Variants in SMYD3 observed in about 807,000 individuals in gnomAD.
The protein encoded by SMYD3 is SET and MYND domain containing 3.
A neutral mutation model predicts 57.7 loss-of-function variants in SMYD3; 36 were observed. That is an observed-to-expected ratio of 0.62 (90% confidence interval 0.48 to 0.82). The LOEUF (loss-of-function observed/expected upper bound fraction) is 0.82, where lower values mean the gene tolerates loss of function less well. SMYD3 is among the 40% of genes least tolerant of loss of function. The pLI is 0.00. For missense variants in SMYD3, 515 were observed against 538.8 expected (o/e 0.96, Z 0.44); for synonymous variants, 211 against 195.0 (o/e 1.08, Z -0.68).
chr1:246,320,674 A>G (rs1558399251), intron 5 of SMYD3, among the ~76,000 whole-genome samples: 4 of 152,198 alleles, frequency 2.6e-5, no homozygotes, highest in Non-Finnish European at 5.9e-5. Flanking sequence ...TTAGAAAAGA[A>G]AGTTATAAGC....
chr1:246,190,342 T>C (rs2062712947), intron 5 of SMYD3, among the ~76,000 whole-genome samples: 1 of 152,082 alleles, frequency 6.6e-6, no homozygotes, highest in Non-Finnish European at 1.5e-5. Context: ...ATCCCAACAC[T>C]CTGGGAGGCC....
chr1:246,390,996 T>C (rs2066553702), intron 1 of SMYD3, among the ~76,000 whole-genome samples: 2 of 151,998 alleles, frequency 1.3e-5, no homozygotes, highest in South Asian at 4.1e-4. Context: ...AAAATCAAAA[T>C]GGCAGACATA....
intron 5 of SMYD3, among the ~76,000 whole-genome samples, chr1:245,949,830 C>CA (rs1359130771): frequency 7.4e-6 from 1 of 134,270 alleles, no homozygotes; most frequent in African/African-American, 2.7e-5. Flanking sequence ...AACCCACCCC[C>CA]CCCACCCCCA....
chr1:246,248,636 CTTTTTT>C (rs1178698803), intron 5 of SMYD3, among the ~76,000 whole-genome samples: 1 of 52,104 alleles, frequency 1.9e-5, no homozygotes, highest in Non-Finnish European at 3.2e-5. Flanking sequence ...TCTGACTTTC[CTTTTTT>C]TTTTTTTTTT....
chr1:246,151,236 ACT>A (rs1361908535), intron 5 of SMYD3, among the ~76,000 whole-genome samples: 1 of 142,990 alleles, frequency 7.0e-6, no homozygotes, highest in African/African-American at 2.7e-5. Flanking sequence ...ACAGAGTAAG[ACT>A]CTGTCTCAAA....
intron 5 of SMYD3, among the ~76,000 whole-genome samples, chr1:246,283,085 C>T (rs1016045702): frequency 6.6e-6 from 1 of 152,174 alleles, no homozygotes; most frequent in African/African-American, 2.4e-5. Context: ...TTCTGCTCAA[C>T]AATGGCACCT....
chr1:246,322,021 T>C (rs2065256911), intron 5 of SMYD3, among the ~76,000 whole-genome samples: 1 of 152,120 alleles, frequency 6.6e-6, no homozygotes, highest in South Asian at 2.1e-4. Flanking sequence ...CATACCAAAG[T>C]GCTAGGACTA....
intron 5 of SMYD3, among the ~76,000 whole-genome samples, chr1:245,964,749 C>T (rs989163236): frequency 5.5e-5 from 8 of 145,312 alleles, no homozygotes; most frequent in South Asian, 2.1e-4. Context: ...CTTGAGGATA[C>T]GACAACAGAA....
At chr1:245,916,136 C>A (rs1231112947) in intron 7 of SMYD3, among the ~76,000 whole-genome samples, 1 of 151,922 alleles carries the variant, frequency 6.6e-6, no homozygotes, top group Non-Finnish European at 1.5e-5. Flanking sequence ...GAAAACAGTT[C>A]TCTTATTTGT....
At chr1:246,384,705 G>A (rs969420710) in intron 1 of SMYD3, among the ~76,000 whole-genome samples, 17 of 152,104 alleles carry the variant, frequency 1.1e-4, no homozygotes, top group Admixed American at 9.2e-4. Flanking sequence ...TCTAAAAATA[G>A]AAATTTTATG....
At chr1:245,853,228 T>G (rs2051063957) in intron 10 of SMYD3, among the ~76,000 whole-genome samples, 1 of 152,176 alleles carries the variant, frequency 6.6e-6, no homozygotes, top group Non-Finnish European at 1.5e-5. Context: ...TAGGTCCTAC[T>G]CCATGAGCAT....
chr1:246,058,193 A>T (rs1000529433), intron 5 of SMYD3, among the ~76,000 whole-genome samples: 1 of 152,186 alleles, frequency 6.6e-6, no homozygotes, highest in Non-Finnish European at 1.5e-5. Context: ...AATGTACAAC[A>T]CCAAGAGTGA....
At chr1:245,926,626 A>G (rs1342687123) in intron 7 of SMYD3, among the ~76,000 whole-genome samples, 1 of 152,244 alleles carries the variant, frequency 6.6e-6, no homozygotes, top group Non-Finnish European at 1.5e-5. Context: ...AAAAGCAACC[A>G]CGGGAGAATG....
At chr1:246,183,598 A>T (rs1053985265) in intron 5 of SMYD3, among the ~76,000 whole-genome samples, 1 of 152,134 alleles carries the variant, frequency 6.6e-6, no homozygotes, top group East Asian at 1.9e-4. Flanking sequence ...AAAAAAAAAA[A>T]GTAATTATTT....
At chr1:245,853,568 C>T (rs2051087572) in intron 10 of SMYD3, among the ~76,000 whole-genome samples, 1 of 152,224 alleles carries the variant, frequency 6.6e-6, no homozygotes. Flanking sequence ...CCGGCAAGCT[C>T]TGCAGACTCC....
chr1:245,866,293 C>T (rs1035752377), intron 8 of SMYD3, among the ~76,000 whole-genome samples: 1 of 150,838 alleles, frequency 6.6e-6, no homozygotes, highest in Non-Finnish European at 1.5e-5. Context: ...GCTTTGTGGG[C>T]CTCTATGTGT....
chr1:246,220,609 C>T lies in SMYD3; in HGVS notation c.531+106592G>A, dbSNP rs144560297. Among the ~76,000 whole-genome samples the T allele has an allele frequency of 1.7e-3, 266 of 152,272 alleles. 3 individuals carry two copies. Among genetic ancestry groups the T allele is most frequent in the African/African-American group, 6.1e-3 (252 of 41,530 alleles). ...CTGGGAGCAAAGTCAGGGCTGAGTC[C>T]GGGCACCATGAACAGCAGCAGGAGG... is the stretch of plus-strand genomic sequence containing the variant. On this transcript the variant is annotated intron_variant, in intron 5 of 11. Transcript: ENST00000490107.
intron 10 of SMYD3, among the ~76,000 whole-genome samples, chr1:245,778,757 C>G (rs2153411): frequency 6.6e-6 from 1 of 151,848 alleles, no homozygotes; most frequent in Non-Finnish European, 1.5e-5. Flanking sequence ...CTTCATGACC[C>G]TGAGTTAGGC....
chr1:245,882,973 C>T (rs961797921), intron 8 of SMYD3, among the ~76,000 whole-genome samples: 5 of 152,168 alleles, frequency 3.3e-5, no homozygotes, highest in African/African-American at 1.2e-4. Flanking sequence ...GTAGGCTGTG[C>T]TTCGCTAATA....
Sources: gnomAD v4.1 joint callset for allele counts (sites outside exome capture counted in the v4.1 genomes callset) on GRCh38, gnomAD v4.1.1 for gene constraint, MANE v1.5 for transcripts, NCBI Gene and HGNC (gene_info 2026-07-23, HGNC 2026-07-21) for gene names.